The following GRIA3 variants were observed in gnomAD, a reference collection of about 807,000 sequenced individuals.
The protein encoded by GRIA3 is glutamate receptor 3.
Under a neutral mutation model 63.0 loss-of-function variants are expected in GRIA3, and 3 were observed. The observed-to-expected ratio is 0.05, with a 90% CI of 0.02 to 0.12. GRIA3 has a LOEUF of 0.12. Among genes scored for constraint, GRIA3 ranks in the 10% least tolerant of loss-of-function variants. The pLI is 1.00. For missense variants in GRIA3, 347 were observed against 700.9 expected (o/e 0.50, Z 5.70); for synonymous variants, 274 against 257.9 (o/e 1.06, Z -0.60).
intron 2 of GRIA3, among the ~76,000 whole-genome samples, chrX:123,231,248 A>C (rs1014575109): frequency 8.9e-6 from 1 of 111,926 alleles, no homozygotes; most frequent in Non-Finnish European, 1.9e-5. Context: ...ACCCGACTTC[A>C]AAGGAATCAT....
intron 2 of GRIA3, among the ~76,000 whole-genome samples, chrX:123,233,314 C>T (rs781270701): frequency 8.9e-6 from 1 of 111,843 alleles, no homozygotes; most frequent in Non-Finnish European, 1.9e-5. Context: ...AACAGCCTTC[C>T]GAATGCCACA....
intron 3 of GRIA3, among the ~76,000 whole-genome samples, chrX:123,297,720 T>A (rs749552357): frequency 9.0e-6 from 1 of 111,144 alleles, no homozygotes; most frequent in African/African-American, 3.3e-5. Context: ...TTGGAAAATA[T>A]TTTTTTTAAC....
intron 12 of GRIA3, among the ~76,000 whole-genome samples, chrX:123,463,751 A>G (rs1300679953): frequency 0.031 from 3,167 of 101,004 alleles, 360 homozygotes; most frequent in African/African-American, 0.13. Flanking sequence ...AAGAAAGAAA[A>G]AGAGAGAAAG....
chrX:123,198,622 G>C (rs1927637246), intron 2 of GRIA3, among the ~76,000 whole-genome samples: 1 of 111,083 alleles, frequency 9.0e-6, no homozygotes, highest in African/African-American at 3.3e-5. Flanking sequence ...GGGCATAAGA[G>C]GTTTGCTTGG....
intron 2 of GRIA3, among the ~76,000 whole-genome samples, chrX:123,198,455 C>A (rs768568162): frequency 1.3e-3 from 143 of 111,888 alleles, no homozygotes; most frequent in Non-Finnish European, 2.4e-3. Context: ...CACAGAGTAG[C>A]GAAGTGGTTG....
At chrX:123,242,360 C>T (rs761843905) in intron 2 of GRIA3, among the ~76,000 whole-genome samples, 1 of 112,267 alleles carries the variant, frequency 8.9e-6, no homozygotes, top group Non-Finnish European at 1.9e-5. Flanking sequence ...TAGCTCTTAT[C>T]TGTCCATGAC....
Position 123,299,846 on chromosome X carries a change from G to T in GRIA3, c.509-26180G>T, listed in dbSNP as rs995163871. ...AATGCTTCTCACTTTTTCCCATTCA[G>T]TATGACATTGGCTGTGGGTTTGTCA... On this transcript the variant is annotated intron_variant, in intron 3 of 15. Coordinates refer to ENST00000620443, the MANE Select transcript of GRIA3 (RefSeq NM_007325.5). Among the ~76,000 whole-genome samples, 11 of 111,440 alleles carry T rather than the reference G, an allele frequency of 9.9e-5. 1 individual carries two copies. In the Middle Eastern group the frequency reaches 0.014, roughly 139 times the overall value.
chrX:123,465,179 G>T (rs2045828057), intron 13 of GRIA3, 67 bp downstream of exon 13: 4 of 1,063,138 alleles, frequency 3.8e-6, no homozygotes, highest in Admixed American at 2.3e-5. Context: ...GCATTTTGTT[G>T]TCATTTTCTT....
intron 3 of GRIA3, among the ~76,000 whole-genome samples, chrX:123,309,940 C>A (rs1441851712): frequency 1.8e-5 from 2 of 111,961 alleles, no homozygotes; most frequent in African/African-American, 3.2e-5. Flanking sequence ...CAGGACCTGA[C>A]AACTCCATTT....
intron 3 of GRIA3, among the ~76,000 whole-genome samples, chrX:123,286,491 G>A (rs1247604202): frequency 9.0e-6 from 1 of 111,673 alleles, no homozygotes; most frequent in African/African-American, 3.3e-5. Flanking sequence ...CTGCTGTTTT[G>A]AAAAGATTAA....
At chrX:123,291,738 G>A (rs888765844) in intron 3 of GRIA3, among the ~76,000 whole-genome samples, 3 of 110,242 alleles carry the variant, frequency 2.7e-5, no homozygotes, top group African/African-American at 9.9e-5. Context: ...TGCATGGCCC[G>A]CCTCCTCAAT....
At position 123,405,044 on chromosome X, in the gene GRIA3, A is replaced by G. The variant is rs112075338; in HGVS notation, c.1500+130A>G. On this transcript the variant is annotated intron_variant, in intron 10 of 15. Transcript: ENST00000620443. ...TACATATAGTCTACAAGAAAAATAT[A>G]TTCTTCTACAGTTGCGCTCTGTAAA... 1,342 of 548,817 alleles carry G rather than the reference A, an allele frequency of 2.4e-3. 1 individual carries two copies. The highest frequency in any genetic ancestry group is 3.0e-3 in the Non-Finnish European group (934 of 311,386). The allele number at this position is 548,817 out of a possible 1,213,427, so 45.2% of individuals were successfully genotyped here.
rs398123524 is a variant in GRIA3, at chrX:123,417,602, C to T, written c.1701C>T (p.Ser567=). ...TTGTCTTTGCTTACATTGGAGTCAG[C>T]GTAGTTCTTTTCCTAGTCAGCAGGT... ...MCIVFAYIGV[S]VVLFLVSRFS... Residue 567 remains serine, a synonymous_variant, in exon 11 of 16, where the codon AGC becomes AGT. Coordinates refer to ENST00000620443, the MANE Select transcript of GRIA3 (RefSeq NM_007325.5). 2.5e-6 allele frequency: 3 copies of T among 1,204,555 alleles called. No homozygotes were observed. Among genetic ancestry groups the T allele is most frequent in the Non-Finnish European group, 3.4e-6 (3 of 891,723 alleles).
chrX:123,380,492 G>GT (rs2045316961), intron 5 of GRIA3, among the ~76,000 whole-genome samples: 1 of 111,675 alleles, frequency 9.0e-6, no homozygotes, highest in Non-Finnish European at 1.9e-5. Context: ...TGATGGGGTT[G>GT]TTGGTTTTTT....
chrX:123,233,033 C>T (rs768597528), intron 2 of GRIA3, among the ~76,000 whole-genome samples: 12 of 111,132 alleles, frequency 1.1e-4, no homozygotes, highest in African/African-American at 1.6e-4. Context: ...TTCCCACCAC[C>T]GAGAACAATA....
chrX:123,333,576 A>G lies in GRIA3; in HGVS notation c.696+7363A>G, dbSNP rs146026763. ...ACAAATGCAAAATAATATAACAAAA[A>G]CTAGGTATGTAAATGCTGATAGAAT... is the stretch of plus-strand genomic sequence containing the variant. On this transcript the variant is annotated intron_variant, in intron 4 of 15. Transcript: ENST00000620443. Among the ~76,000 whole-genome samples the G allele has an allele frequency of 6.3e-5, 7 of 111,961 alleles. No individual in the cohort carries two copies. The East Asian group carries it at 1.7e-3, about 27-fold the overall frequency.
intron 5 of GRIA3, among the ~76,000 whole-genome samples, chrX:123,378,740 T>TA (rs756717869): frequency 2.7e-5 from 3 of 111,157 alleles, no homozygotes; most frequent in Non-Finnish European, 5.7e-5. Context: ...GGCCAACTCT[T>TA]AAAGAGAAAT....
chrX:123,237,743 G>C (rs889835734), intron 2 of GRIA3, among the ~76,000 whole-genome samples: 2 of 112,392 alleles, frequency 1.8e-5, no homozygotes, highest in African/African-American at 6.5e-5. Flanking sequence ...CAAAGTGCTA[G>C]AGGGGCTACT....
At chrX:123,230,693 C>G (rs771002650) in intron 2 of GRIA3, among the ~76,000 whole-genome samples, 7 of 111,874 alleles carry the variant, frequency 6.3e-5, no homozygotes, top group African/African-American at 1.6e-4. Context: ...TTATTCAATT[C>G]TGTAGATATT....
Sources: gnomAD v4.1 joint callset for allele counts (sites outside exome capture counted in the v4.1 genomes callset) on GRCh38, gnomAD v4.1.1 for gene constraint, MANE v1.5 for transcripts, NCBI Gene and HGNC (gene_info 2026-07-23, HGNC 2026-07-21) for gene names.